BCAS3: variants seen among roughly 807,000 people sequenced by gnomAD.
BCAS3 encodes BCAS3 microtubule associated cell migration factor.
A neutral mutation model predicts 116.1 loss-of-function variants in BCAS3; 53 were observed. The ratio of observed to expected loss-of-function variants is 0.46; its 90% CI spans 0.37 to 0.57. The LOEUF (loss-of-function observed/expected upper bound fraction) is 0.57, where lower values mean the gene tolerates loss of function less well. Ranked by LOEUF, BCAS3 falls within the 20% of genes least tolerant of loss-of-function variation. The pLI, the probability that BCAS3 is intolerant of heterozygous loss-of-function variation, is 0.00. For synonymous variants in BCAS3, 391 were observed against 408.2 expected, an observed-to-expected ratio of 0.96 and a Z score of 0.51; for missense variants, 917 against 1,165.4, an observed-to-expected ratio of 0.79 and a Z score of 3.10.
Position 61,122,633 on chromosome 17 carries a change from G to A in BCAS3, c.2425+38069G>A, listed in dbSNP as rs542663376. Among the ~76,000 whole-genome samples, 79 of 152,192 alleles carry A rather than the reference G, an allele frequency of 5.2e-4. 1 individual carries two copies. The South Asian group carries it at 0.012, about 24-fold the overall frequency. On this transcript the variant is annotated intron_variant, in intron 22 of 23. Coordinates refer to ENST00000407086, the MANE Select transcript of BCAS3 (RefSeq NM_017679.5). This position sits in a 1 kb window ranked among gnomAD's most constrained non-coding sequence, Gnocchi z 4.6. ...GGCAGGTCAGAACAAACATTATCTT[G>A]CTCCCATATGTTTTTGTAGGATCTT...
intron 5 of BCAS3, chr17:60,727,017 C>G (rs2039948996): frequency 4.3e-6 from 1 of 232,076 alleles, no homozygotes; most frequent in Non-Finnish European, 8.3e-6. Flanking sequence ...AGGTCAAGTT[C>G]TTTAACAGAT....
intron 22 of BCAS3, among the ~76,000 whole-genome samples, chr17:61,245,793 G>A (rs2047891310): frequency 6.6e-6 from 1 of 151,420 alleles, no homozygotes; most frequent in Non-Finnish European, 1.5e-5. Flanking sequence ...TGTTAATGAA[G>A]TTCTGTCTCA....
intron 6 of BCAS3, among the ~76,000 whole-genome samples, chr17:60,758,672 G>A (rs1027749082): frequency 2.6e-5 from 4 of 152,056 alleles, no homozygotes; most frequent in African/African-American, 9.7e-5. Context: ...ATGAGCCACC[G>A]CACCCGGCCG....
chr17:61,320,115 C>G (rs1223856452), intron 22 of BCAS3, among the ~76,000 whole-genome samples: 2 of 151,772 alleles, frequency 1.3e-5, no homozygotes, highest in East Asian at 3.9e-4. Flanking sequence ...GTCTCGAAGT[C>G]CTGCCCTCAG....
intron 7 of BCAS3, among the ~76,000 whole-genome samples, chr17:60,809,544 G>A (rs771860471): frequency 6.6e-6 from 1 of 152,114 alleles, no homozygotes; most frequent in Non-Finnish European, 1.5e-5. Context: ...GGGTGAGAAA[G>A]GTTTTGAGGA....
At chr17:61,157,248 A>G (rs984881772) in intron 22 of BCAS3, among the ~76,000 whole-genome samples, 2 of 152,228 alleles carry the variant, frequency 1.3e-5, no homozygotes, top group African/African-American at 4.8e-5. Flanking sequence ...TGAGACTCCA[A>G]AGATATATTC....
At chr17:61,170,767 G>A (rs759372735) in intron 22 of BCAS3, among the ~76,000 whole-genome samples, 6 of 152,178 alleles carry the variant, frequency 3.9e-5, no homozygotes, top group Non-Finnish European at 8.8e-5. Context: ...GGAGGAGATA[G>A]AGGTGGGAGG....
rs989690678 is a variant in BCAS3 at position 61,261,965 on chromosome 17, A to G, written c.2426-106362A>G. On this transcript the variant is annotated intron_variant, in intron 22 of 23. Coordinates refer to ENST00000407086, the MANE Select transcript of BCAS3 (RefSeq NM_017679.5). This position sits in a 1 kb window ranked among gnomAD's most constrained non-coding sequence, Gnocchi z 4.4. ...GAAAGCTAAGAGAGATGAGACAAGG[A>G]TGTCCACGAATACCGTTTCTATTCA... 3.3e-5 allele frequency among the ~76,000 whole-genome samples: 5 copies of G among 152,224 alleles called. No individual in the cohort carries two copies. Among genetic ancestry groups the G allele is most frequent in the African/African-American group, 9.6e-5 (4 of 41,462 alleles).
At chr17:60,843,557 A>G (rs2052187772) in intron 7 of BCAS3, among the ~76,000 whole-genome samples, 1 of 152,034 alleles carries the variant, frequency 6.6e-6, no homozygotes, top group Non-Finnish European at 1.5e-5. Context: ...TCCCATCTCC[A>G]TATTTTTGGC....
intron 6 of BCAS3, among the ~76,000 whole-genome samples, chr17:60,791,898 G>A (rs2046798791): frequency 6.6e-6 from 1 of 152,082 alleles, no homozygotes; most frequent in Admixed American, 6.5e-5. Context: ...GCTGAGGCGG[G>A]CAGATCACGA....
At chr17:60,818,895 A>G (rs1478058852) in intron 7 of BCAS3, among the ~76,000 whole-genome samples, 4 of 152,136 alleles carry the variant, frequency 2.6e-5, no homozygotes, top group Admixed American at 6.6e-5. Flanking sequence ...GGGTTAGCAT[A>G]CCAGGTGATC....
chr17:60,804,499 A>C (rs575401744), intron 6 of BCAS3, among the ~76,000 whole-genome samples: 8 of 152,112 alleles, frequency 5.3e-5, no homozygotes, highest in African/African-American at 1.7e-4. Context: ...CACACACACA[A>C]AAAACAAAAG....
At chr17:61,022,201 T>C (rs919554018) in intron 16 of BCAS3, among the ~76,000 whole-genome samples, 4 of 152,190 alleles carry the variant, frequency 2.6e-5, no homozygotes, top group Non-Finnish European at 5.9e-5. Flanking sequence ...GGGAATTTTT[T>C]TTGGATGATG....
intron 7 of BCAS3, among the ~76,000 whole-genome samples, chr17:60,850,404 G>A (rs1180576153): frequency 7.8e-6 from 1 of 128,446 alleles, no homozygotes; most frequent in Non-Finnish European, 1.5e-5. Context: ...TGTTGCCCAG[G>A]TTGGAGTGCA....
intron 22 of BCAS3, among the ~76,000 whole-genome samples, chr17:61,117,965 T>C (rs145454062): frequency 1.3e-5 from 2 of 152,342 alleles, no homozygotes; most frequent in East Asian, 3.9e-4. Flanking sequence ...CATGGCTGCT[T>C]TGAAAGTCTT....
chr17:60,732,197 G>A (rs1023393357), intron 5 of BCAS3, among the ~76,000 whole-genome samples: 5 of 151,980 alleles, frequency 3.3e-5, no homozygotes, highest in Non-Finnish European at 5.9e-5. Context: ...TCCCCAATAG[G>A]ATTTTATTGG....
intron 6 of BCAS3, among the ~76,000 whole-genome samples, chr17:60,797,382 A>T (rs552571123): frequency 6.2e-4 from 94 of 150,874 alleles, no homozygotes; most frequent in Middle Eastern, 3.4e-3. Context: ...TTATTTATTT[A>T]TTTTTTTGTG....
rs888689428 is a variant in BCAS3, at chr17:60,947,487, G to T, written c.1221+135G>T. On this transcript the variant is annotated intron_variant, in intron 14 of 23. Transcript: ENST00000407086. ...TTGCTGTCTGTGATAGAATGGGTTA[G>T]ATAAATAGGGAAAAATTCCGTTTTG... The T allele has an allele frequency of 1.1e-5, 11 of 969,478 alleles. No individual in the cohort carries two copies. The Admixed American group carries it at 2.1e-4, about 19-fold the overall frequency. 60.1% of individuals were successfully genotyped at this position (969,478 alleles called of 1,614,324 possible).
chr17:60,846,698 TG>T (rs2052567607), intron 7 of BCAS3, among the ~76,000 whole-genome samples: 1 of 152,198 alleles, frequency 6.6e-6, no homozygotes, highest in Non-Finnish European at 1.5e-5. Context: ...TCTCTGTCTC[TG>T]CTTATTTTCT....
Sources: allele counts gnomAD v4.1 joint callset (sites outside exome capture counted in the v4.1 genomes callset), GRCh38; gene constraint gnomAD v4.1.1; non-coding constraint Gnocchi (gnomAD v3.1); transcripts MANE v1.5; gene names NCBI Gene and HGNC (gene_info 2026-07-23, HGNC 2026-07-21).